Variants in ZFAT observed in about 807,000 individuals in gnomAD.
The protein encoded by ZFAT is zinc finger and AT-hook domain containing, also known as zinc finger protein ZFAT.
In ZFAT, 64 loss-of-function variants were observed where a neutral mutation model predicts 117.7. The observed-to-expected ratio is 0.54, with a 90% CI of 0.44 to 0.67. The LOEUF (loss-of-function observed/expected upper bound fraction) is 0.67, where lower values mean the gene tolerates loss of function less well. Ranked by LOEUF, ZFAT falls within the 30% of genes least tolerant of loss-of-function variation. ZFAT has a pLI of 0.00. For synonymous variants in ZFAT, 679 were observed against 615.0 expected (o/e 1.10, Z -1.54); for missense variants, 1,433 against 1,584.5 (o/e 0.90, Z 1.62).
chr8:134,545,640 A>T (rs1793267527), intron 11 of ZFAT, among the ~76,000 whole-genome samples: 2 of 152,328 alleles, frequency 1.3e-5, no homozygotes, highest in South Asian at 4.1e-4. Context: ...TGCATCTCTA[A>T]ACAAGGTGCT....
intron 1 of ZFAT, 45 bp downstream of exon 1, chr8:134,712,800 G>GGCCCC: frequency 8.8e-7 from 1 of 1,140,186 alleles, no homozygotes; most frequent in Non-Finnish European, 1.2e-6. Context: ...GCCGCGCCGC[G>GGCCCC]CCCCACCCCC....
At chr8:134,654,387 C>T (rs867393028) in intron 2 of ZFAT, among the ~76,000 whole-genome samples, 4 of 152,246 alleles carry the variant, frequency 2.6e-5, no homozygotes, top group Middle Eastern at 3.4e-3. Context: ...ATAGTATATT[C>T]GCCCAGTAGA....
the ZFAT span, chr8:134,767,178 G>A: frequency 6.6e-6 from 1 of 152,296 alleles, no homozygotes; most frequent in Non-Finnish European, 1.5e-5. Context: ...ATGTGTGCTT[G>A]AAAAGAATAT....
chr8:134,478,613 C>A lies in ZFAT; in HGVS notation c.3601G>T (p.Asp1201Tyr). Residue 1201 changes from aspartate (D) to tyrosine (Y), a missense_variant, in exon 16 of 16, where the codon GAC becomes TAC. Transcript: ENST00000377838. The surrounding 1 kb of genome is among the most constrained non-coding windows in gnomAD (Gnocchi z 5.2). ...EQHHLVVSSDDVEGIETVTVY... is the reference protein window; with the variant it reads ...EQHHLVVSSDYVEGIETVTVY... ...GTCACCGTCTCAATGCCCTCCACGT[C>A]GTCGGAGGACACCACCAGGTGGTGC... is the stretch of plus-strand genomic sequence containing the variant. 6.3e-7 allele frequency: 1 copy of A among 1,587,258 alleles called. No homozygotes were observed. Among genetic ancestry groups the A allele is most frequent in the Non-Finnish European group, 8.6e-7 (1 of 1,167,208 alleles).
At chr8:134,791,935 C>T in the ZFAT span, 1 of 152,096 alleles carries the variant, frequency 6.6e-6, no homozygotes, top group Non-Finnish European at 1.5e-5. Flanking sequence ...TCTTAGAGTT[C>T]TCTGTTACAC....
the ZFAT span, chr8:134,805,084 T>C: frequency 7.5e-4 from 212 of 284,548 alleles, no homozygotes; most frequent in African/African-American, 4.4e-3. Flanking sequence ...AAGTTAATGC[T>C]AATAATTAAA....
At chr8:134,734,180 C>T in the ZFAT span, among the ~76,000 whole-genome samples, 2 of 152,328 alleles carry the variant, frequency 1.3e-5, no homozygotes, top group East Asian at 3.9e-4. Context: ...CTTCAGGCTG[C>T]TCTCCCCCAC....
intron 12 of ZFAT, among the ~76,000 whole-genome samples, chr8:134,532,172 TA>T (rs1194571887): frequency 1.3e-5 from 2 of 152,216 alleles, no homozygotes; most frequent in African/African-American, 2.4e-5. Context: ...TTTAATAATT[TA>T]AAATGAAGAG....
At chr8:134,612,198 C>T (rs970742125) in intron 3 of ZFAT, among the ~76,000 whole-genome samples, 1 of 152,224 alleles carries the variant, frequency 6.6e-6, no homozygotes, top group Admixed American at 6.5e-5. Flanking sequence ...TCCACATAAG[C>T]CTTTCTCAGC....
the ZFAT span, among the ~76,000 whole-genome samples, chr8:134,820,863 G>A: frequency 1.3e-5 from 2 of 152,186 alleles, no homozygotes; most frequent in Admixed American, 6.5e-5. Context: ...TTATACACCA[G>A]ATCATAAACA....
chr8:134,651,321 A>G (rs565197005), intron 2 of ZFAT, among the ~76,000 whole-genome samples: 12 of 152,378 alleles, frequency 7.9e-5, no homozygotes, highest in East Asian at 5.8e-4. Context: ...TATGTAGCAT[A>G]TGCATACAAT....
In ZFAT at chr8:134,670,607, G is replaced by C. The variant is rs1342989246; in HGVS notation, c.20-12870C>G. 2.6e-5 allele frequency among the ~76,000 whole-genome samples: 4 copies of C among 152,370 alleles called. No homozygotes were observed. The East Asian group carries it at 7.7e-4, about 29-fold the overall frequency. ...CTCTGGGACACATTTAAAGCAGTGT[G>C]TACAGGGAAATTTATAGCACTAAAT... On this transcript the variant is annotated intron_variant, in intron 1 of 15. Transcript: ENST00000377838.
At position 134,588,412 on chromosome 8, in the gene ZFAT, A is replaced by G; in HGVS notation, c.2564-17T>C. On this transcript the variant is annotated splice_polypyrimidine_tract_variant and intron_variant, in intron 8 of 15. Coordinates refer to ENST00000377838, the MANE Select transcript of ZFAT (RefSeq NM_020863.4). ...TGGAGACCTCTAGAAGAAAAGCAGG[A>G]TGTCAAAAGGAGTCAGAGCACCTCA... The G allele has an allele frequency of 6.4e-7, 1 of 1,563,068 alleles. No individual in the cohort carries two copies. Among genetic ancestry groups the G allele is most frequent in the South Asian group, 1.2e-5 (1 of 83,696 alleles).
intron 1 of ZFAT, among the ~76,000 whole-genome samples, chr8:134,667,568 C>A (rs1832297908): frequency 7.2e-6 from 1 of 139,714 alleles, no homozygotes; most frequent in Non-Finnish European, 1.6e-5. Context: ...TGTAACAAAC[C>A]TTCATGTTCT....
At chr8:134,593,869 G>A (rs571344079) in intron 7 of ZFAT, among the ~76,000 whole-genome samples, 2 of 152,224 alleles carry the variant, frequency 1.3e-5, no homozygotes, top group Non-Finnish European at 2.9e-5. Context: ...ATGAGGAAGA[G>A]GTGTGAGACT....
chr8:134,559,348 C>G (rs1196068133), intron 11 of ZFAT, among the ~76,000 whole-genome samples: 1 of 152,144 alleles, frequency 6.6e-6, no homozygotes, highest in Non-Finnish European at 1.5e-5. Context: ...TGCCCTTCCT[C>G]ATATATCTTA....
chr8:134,615,932 C>T (rs528081742), intron 3 of ZFAT, among the ~76,000 whole-genome samples: 2 of 152,330 alleles, frequency 1.3e-5, no homozygotes, highest in South Asian at 2.1e-4. Flanking sequence ...AAGAACAAGG[C>T]TCCCACAAAA....
At chr8:134,688,536 G>A (rs992454072) in intron 1 of ZFAT, among the ~76,000 whole-genome samples, 1 of 152,176 alleles carries the variant, frequency 6.6e-6, no homozygotes, top group Non-Finnish European at 1.5e-5. Context: ...CACGAGAAAG[G>A]GGAGAAGGAA....
the ZFAT span, among the ~76,000 whole-genome samples, chr8:134,810,001 G>C: frequency 6.6e-6 from 1 of 152,078 alleles, no homozygotes; most frequent in Non-Finnish European, 1.5e-5. Context: ...ATCTGAGTGG[G>C]TATGTAGCCC....
Sources: allele counts gnomAD v4.1 joint callset (sites outside exome capture counted in the v4.1 genomes callset), GRCh38; gene constraint gnomAD v4.1.1; non-coding constraint Gnocchi (gnomAD v3.1); transcripts MANE v1.5; gene names NCBI Gene and HGNC (gene_info 2026-07-23, HGNC 2026-07-21).